The following GLIS3 variants were observed in gnomAD, a reference collection of about 807,000 sequenced individuals.
GLIS3 encodes GLIS family zinc finger 3.
In GLIS3, 53 loss-of-function variants were observed where a neutral mutation model predicts 78.6. The ratio of observed to expected loss-of-function variants is 0.67; its 90% CI spans 0.54 to 0.85. GLIS3 has a LOEUF of 0.85. GLIS3 is among the 40% of genes least tolerant of loss of function. GLIS3 has a pLI of 0.00. For synonymous variants in GLIS3, 684 were observed against 509.9 expected (o/e 1.34, Z -4.60); for missense variants, 1,703 against 1,231.1 (o/e 1.38, Z -5.74).
chr9:4,118,867 C>G lies in GLIS3; in HGVS notation c.611G>C (p.Arg204Pro), dbSNP rs768779690. The G allele has an allele frequency of 6.2e-7, 1 of 1,601,054 alleles. No homozygotes were observed. The highest frequency in any genetic ancestry group is 1.3e-5 in the African/African-American group (1 of 74,706). ...PPSDTRSLIS[R>P]ESLASTTLSL... ...CAAGGTCGTGGACGCCAAAGACTCA[C>G]GCGAAATAAGGGACCTGGAACAGCA... Residue 204 changes from arginine to proline, a missense_variant, in exon 4 of 11, where the codon CGT becomes CCT. Transcript: ENST00000381971. The surrounding 1 kb of genome is among the most constrained non-coding windows in gnomAD (Gnocchi z 4.7).
At chr9:3,912,278 C>T (rs935027930) in intron 6 of GLIS3, among the ~76,000 whole-genome samples, 3 of 152,148 alleles carry the variant, frequency 2.0e-5, no homozygotes, top group Admixed American at 1.3e-4. Flanking sequence ...GCTTATTAGC[C>T]TCAGAACTAG....
chr9:3,868,469 A>G (rs1353017488), intron 8 of GLIS3, among the ~76,000 whole-genome samples: 3 of 152,202 alleles, frequency 2.0e-5, no homozygotes, highest in Non-Finnish European at 2.9e-5. Flanking sequence ...GTCTTTACAA[A>G]TGGTATTAAA....
intron 6 of GLIS3, among the ~76,000 whole-genome samples, chr9:3,899,568 G>A (rs1216657711): frequency 2.0e-5 from 3 of 151,694 alleles, no homozygotes; most frequent in Non-Finnish European, 4.4e-5. Flanking sequence ...AAATATTAAC[G>A]TTCTGCTTGT....
chr9:4,117,555 G>T lies in GLIS3; in HGVS notation c.1710+213C>A, dbSNP rs537954938. ...GGCAGACTGATCACCTGCTGGGATG[G>T]ATCGTGTACCTTTGCAGAAGGAAAT... On this transcript the variant is annotated intron_variant, in intron 4 of 10. Coordinates refer to ENST00000381971, the MANE Select transcript of GLIS3 (RefSeq NM_001042413.2). 2.8e-3 allele frequency among the ~76,000 whole-genome samples: 432 copies of T among 152,254 alleles called. 1 individual carries two copies. Among genetic ancestry groups the T allele is most frequent in the African/African-American group, 9.9e-3 (411 of 41,552 alleles).
At chr9:4,400,005 G>C in the GLIS3 span, among the ~76,000 whole-genome samples, 1 of 152,172 alleles carries the variant, frequency 6.6e-6, no homozygotes, top group Non-Finnish European at 1.5e-5. Context: ...GAGGAGATTG[G>C]GCAATGGGAT....
chr9:4,446,008 T>G, the GLIS3 span, among the ~76,000 whole-genome samples: 2 of 152,234 alleles, frequency 1.3e-5, no homozygotes, highest in Non-Finnish European at 2.9e-5. Flanking sequence ...ATTTTTTTAA[T>G]ATATGAAATC....
At chr9:3,931,917 A>C (rs1426684604) in intron 6 of GLIS3, among the ~76,000 whole-genome samples, 1 of 152,208 alleles carries the variant, frequency 6.6e-6, no homozygotes, top group African/African-American at 2.4e-5. Flanking sequence ...TACCTTCTTC[A>C]TTAGAGCTTC....
At chr9:4,087,721 C>G (rs1303998200) in intron 4 of GLIS3, among the ~76,000 whole-genome samples, 1 of 152,124 alleles carries the variant, frequency 6.6e-6, no homozygotes, top group Non-Finnish European at 1.5e-5. Context: ...TCATTGAGTA[C>G]CTAATACTGA....
intron 4 of GLIS3, among the ~76,000 whole-genome samples, chr9:4,026,951 T>C (rs923411950): frequency 2.6e-5 from 4 of 152,124 alleles, no homozygotes; most frequent in African/African-American, 9.7e-5. Context: ...AAGTCAAACC[T>C]AAGACTGTCT....
chr9:4,257,052 G>A (rs1038528463), intron 2 of GLIS3, among the ~76,000 whole-genome samples: 11 of 152,026 alleles, frequency 7.2e-5, no homozygotes, highest in African/African-American at 2.7e-4. Flanking sequence ...TAGGTATTAT[G>A]TATTATGTGT....
At chr9:4,002,167 G>A (rs1269406968) in intron 4 of GLIS3, among the ~76,000 whole-genome samples, 1 of 152,196 alleles carries the variant, frequency 6.6e-6, no homozygotes, top group Non-Finnish European at 1.5e-5. Context: ...AGTAGTAGGA[G>A]ATGTGACAAT....
the GLIS3 span, among the ~76,000 whole-genome samples, chr9:4,356,253 G>A: frequency 2.0e-5 from 3 of 152,282 alleles, no homozygotes; most frequent in Non-Finnish European, 2.9e-5. Flanking sequence ...CAGCAGAGCC[G>A]GAGAGACTGG....
chr9:3,997,708 C>A (rs1820847517), intron 4 of GLIS3, among the ~76,000 whole-genome samples: 1 of 151,778 alleles, frequency 6.6e-6, no homozygotes, highest in Admixed American at 6.6e-5. Context: ...CATAAAGGAA[C>A]TTGTTAACCT....
intron 4 of GLIS3, among the ~76,000 whole-genome samples, chr9:4,004,644 A>G (rs1821396021): frequency 6.6e-6 from 1 of 152,210 alleles, no homozygotes; most frequent in Admixed American, 6.5e-5. Flanking sequence ...GCCACTGAGC[A>G]GCTCTCTTGG....
At chr9:3,852,787 A>C (rs1819517223) in intron 9 of GLIS3, among the ~76,000 whole-genome samples, 1 of 152,232 alleles carries the variant, frequency 6.6e-6, no homozygotes, top group South Asian at 2.1e-4. Flanking sequence ...TCATTGCAAC[A>C]GTCACTGGCC....
At chr9:4,013,801 AGGAGATAAAATCT>A (rs1014058983) in intron 4 of GLIS3, among the ~76,000 whole-genome samples, 3 of 152,210 alleles carry the variant, frequency 2.0e-5, no homozygotes, top group African/African-American at 7.2e-5. Context: ...CAGGCTAGGT[AGGAGATAAAATCT>A]GGATGATCCA....
chr9:3,917,495 T>C (rs775073672), intron 6 of GLIS3, among the ~76,000 whole-genome samples: 3 of 152,214 alleles, frequency 2.0e-5, no homozygotes, highest in Admixed American at 6.5e-5. Context: ...ACTGATGAGA[T>C]GGAACATAAT....
chr9:4,445,242 C>G, the GLIS3 span, among the ~76,000 whole-genome samples: 1 of 152,116 alleles, frequency 6.6e-6, no homozygotes, highest in Non-Finnish European at 1.5e-5. Flanking sequence ...TATATGAAAC[C>G]CTTGAAAACT....
chr9:4,162,788 C>CGGAGCTTGCAGTGAGCCAAGATT (rs1835588716), intron 2 of GLIS3, among the ~76,000 whole-genome samples: 1 of 139,334 alleles, frequency 7.2e-6, no homozygotes, highest in African/African-American at 2.7e-5. Flanking sequence ...ACTCTGGAGG[C>CGGAGCTTGCAGTGAGCCAAGATT]GGAGCTTGCA....
Sources: allele counts gnomAD v4.1 joint callset (sites outside exome capture counted in the v4.1 genomes callset), GRCh38; gene constraint gnomAD v4.1.1; non-coding constraint Gnocchi (gnomAD v3.1); transcripts MANE v1.5; gene names NCBI Gene and HGNC (gene_info 2026-07-23, HGNC 2026-07-21).